Variants in UTP20 observed in about 807,000 individuals in gnomAD.
The protein encoded by UTP20 is UTP20 small subunit processome component, also known as small subunit processome component 20 homolog.
UTP20 carries 164 observed loss-of-function variants against 329.5 expected under a neutral mutation model. The ratio of observed to expected loss-of-function variants is 0.50; its 90% confidence interval spans 0.44 to 0.57. The LOEUF (loss-of-function observed/expected upper bound fraction) is 0.57. UTP20 is among the 20% of genes least tolerant of loss of function. The pLI, the probability that UTP20 is intolerant of heterozygous loss-of-function variation, is 0.00. For synonymous variants in UTP20, 1,151 were observed against 1,159.3 expected (o/e 0.99, Z 0.14); for missense variants, 3,055 against 3,284.2 (o/e 0.93, Z 1.71).
Position 101,280,169 on chromosome 12 carries a change from C to T in UTP20, c.-114C>T. On this transcript the variant is annotated 5_prime_UTR_variant, in exon 1 of 62. Transcript: ENST00000261637. ...GGGCTCAAGCCGCACGTGAGAAAGT[C>T]TGGGCATCTGGGAATCGGAGAGTAT... The T allele has an allele frequency of 7.4e-7, 1 of 1,358,278 alleles. No individual in the cohort carries two copies. 84.1% of individuals were successfully genotyped at this position (1,358,278 alleles called of 1,614,324 possible).
chr12:101,383,554 CTT>C lies in UTP20; in HGVS notation c.7943_7944del (p.Phe2648Ter). The stretch of plus-strand genomic sequence containing the variant: ...ATCTGTACTTTCAGAGAACATGCAT[CTT>C]TAAGTTCCTCGGCGCCGTAGCAATG... ...PRNPLKRTCI[F>X]KFLGAVAMDL... On this transcript the variant is annotated frameshift_variant, in exon 60 of 62. Transcript: ENST00000261637. LOFTEE classifies it high-confidence loss of function. 6.2e-7 allele frequency: 1 copy of C among 1,612,900 alleles called. No individual in the cohort carries two copies. Among genetic ancestry groups the C allele is most frequent in the Non-Finnish European group, 8.5e-7 (1 of 1,179,674 alleles).
chr12:101,290,608 G>A, intron 7 of UTP20, 125 bp from the exon 8 acceptor site: 1 of 1,042,256 alleles, frequency 9.6e-7, no homozygotes, highest in Non-Finnish European at 1.3e-6. Context: ...CATCAAAGTT[G>A]CCATATCCTT....
Position 101,299,820 on chromosome 12 carries a change from G to T in UTP20, c.1569G>T (p.Val523=). The T allele has an allele frequency of 1.2e-6, 2 of 1,607,102 alleles. No individual in the cohort carries two copies. Among genetic ancestry groups the T allele is most frequent in the Non-Finnish European group, 1.7e-6 (2 of 1,178,114 alleles). Residue 523 remains valine, a synonymous_variant, in exon 13 of 62, where the codon GTG becomes GTT. Coordinates refer to ENST00000261637, the MANE Select transcript of UTP20 (RefSeq NM_014503.3). ...TTTCACAATCTTGGGCAGCCCTCGT[G>T]GTGTTACCTCATATTAGGTAAGAAA... The part of the protein sequence containing the change: ...TYLSQSWAAL[V]VLPHIRPLEK...
chr12:101,280,361 T>A (rs375166665), intron 1 of UTP20, 34 bp downstream of exon 1: 2 of 1,550,884 alleles, frequency 1.3e-6, no homozygotes, highest in African/African-American at 2.7e-5. Context: ...GAGCCGCGGG[T>A]CTCCGCTGCC....
chr12:101,339,208 G>C (rs766332022), intron 31 of UTP20, among the ~76,000 whole-genome samples: 2 of 152,158 alleles, frequency 1.3e-5, no homozygotes, highest in Non-Finnish European at 1.5e-5. Flanking sequence ...AGCTACTCAG[G>C]AGACTGAGGC....
chr12:101,376,413 A>C (rs1409817121), intron 56 of UTP20, among the ~76,000 whole-genome samples: 5 of 152,188 alleles, frequency 3.3e-5, no homozygotes, highest in Non-Finnish European at 7.3e-5. Flanking sequence ...TCATAACAGT[A>C]TACTTAGACA....
intron 5 of UTP20, among the ~76,000 whole-genome samples, chr12:101,287,843 A>T (rs564372086): frequency 6.6e-6 from 1 of 152,238 alleles, no homozygotes; most frequent in East Asian, 1.9e-4. Flanking sequence ...CTCTTCTCAC[A>T]AAGTTTACAT....
intron 40 of UTP20, among the ~76,000 whole-genome samples, chr12:101,353,710 T>G: frequency 6.6e-6 from 1 of 151,740 alleles, no homozygotes; most frequent in Non-Finnish European, 1.5e-5. Context: ...TGTCTAAAAA[T>G]AAAAAGAAAT....
At chr12:101,346,400 G>A (rs770770712) in intron 37 of UTP20, 51 bp from the exon 38 acceptor site, 1 of 1,535,608 alleles carries the variant, frequency 6.5e-7, no homozygotes, top group South Asian at 1.3e-5. Context: ...AATGGAGCTG[G>A]TTGTAGGTGA....
intron 55 of UTP20, 52 bp from the exon 56 acceptor site, chr12:101,375,572 C>T: frequency 1.3e-6 from 2 of 1,591,220 alleles, no homozygotes; most frequent in South Asian, 1.1e-5. Flanking sequence ...AATTGTCCAT[C>T]AGATACTTTC....
chr12:101,346,381 C>T (rs373339632), intron 37 of UTP20, 70 bp from the exon 38 acceptor site: 49 of 1,486,202 alleles, frequency 3.3e-5, no homozygotes, highest in Middle Eastern at 1.8e-4. Context: ...AAAGAGAATA[C>T]GATACTAAAA....
At chr12:101,311,634 CCTTTCACT>C in intron 19 of UTP20, 77 bp from the exon 20 acceptor site, 1 of 1,199,074 alleles carries the variant, frequency 8.3e-7, no homozygotes, top group Non-Finnish European at 1.2e-6. Flanking sequence ...TTAGTTATAT[CCTTTCACT>C]CTTTTTTTTT....
At chr12:101,316,912 T>G (rs567717902) in intron 21 of UTP20, among the ~76,000 whole-genome samples, 3 of 152,340 alleles carry the variant, frequency 2.0e-5, no homozygotes, top group African/African-American at 7.2e-5. Flanking sequence ...TTTAGAGAGA[T>G]AAAACATAAA....
chr12:101,334,627 A>G (rs2137271616), intron 29 of UTP20, 123 bp downstream of exon 29: 1 of 746,572 alleles, frequency 1.3e-6, no homozygotes, highest in South Asian at 1.9e-5. Flanking sequence ...CTTTTGGTAC[A>G]GTTAGAGAAT....
At chr12:101,305,130 TGGTTTTCTGGAGAAAACCAG>T (rs927390622) in intron 15 of UTP20, among the ~76,000 whole-genome samples, 9 of 152,016 alleles carry the variant, frequency 5.9e-5, no homozygotes, top group East Asian at 5.8e-4. Context: ...CTTTTTCCCC[TGGTTTTCTGGAGAAAACCAG>T]GGTTTTCTCC....
Position 101,285,732 on chromosome 12 carries a change from T to C in UTP20, c.194-17T>C, listed in dbSNP as rs1445264419. The C allele has an allele frequency of 3.1e-6, 5 of 1,613,182 alleles. No homozygotes were observed. The African/African-American group carries it at 4.0e-5, about 13-fold the overall frequency. On this transcript the variant is annotated splice_polypyrimidine_tract_variant and intron_variant, in intron 3 of 61. Coordinates refer to ENST00000261637, the MANE Select transcript of UTP20 (RefSeq NM_014503.3). ...TGGTGTGATAGAAAAGAACATATTT[T>C]TTTTTCCCCCACTCAGGAAAATTTT... is the stretch of plus-strand genomic sequence containing the variant.
At position 101,286,384 on chromosome 12, in the gene UTP20, T is replaced by G; in HGVS notation, c.390T>G (p.Phe130Leu). ...TCTACCCACACTTTCCAGAGTTTTT[T>G]TTGACTATCACCTCGATCCTGGAGA... The part of the protein sequence containing the change: ...MDFYPHFPEF[F>L]LTITSILETQ... The change falls in exon 5 of 62, where the codon TTT (phenylalanine) becomes TTG (leucine). Residue 130 changes from phenylalanine to leucine, a missense_variant. Physicochemically the swap from Phe to Leu is conservative, Grantham distance 22 (BLOSUM62 0). This residue lies in a region of UTP20 where 2,445 missense variants were observed against 2,575.5 expected (regional missense o/e 0.95). Transcript: ENST00000261637. 1 of 1,613,926 alleles carries G rather than the reference T, an allele frequency of 6.2e-7. No individual in the cohort carries two copies. Among genetic ancestry groups the G allele is most frequent in the African/African-American group, 1.3e-5 (1 of 74,996 alleles).
chr12:101,321,044 T>C, intron 24 of UTP20, 107 bp downstream of exon 24: 2 of 1,010,906 alleles, frequency 2.0e-6, no homozygotes, highest in Non-Finnish European at 1.4e-6. Flanking sequence ...AAAGTTTCCC[T>C]TTTTTCTGAG....
At chr12:101,365,703 G>T in intron 46 of UTP20, 78 bp downstream of exon 46, 1 of 1,260,028 alleles carries the variant, frequency 7.9e-7, no homozygotes, top group Non-Finnish European at 1.0e-6. Context: ...TTAATAATTT[G>T]CTTTAGTAAA....
Sources: gnomAD v4.1 joint callset for allele counts (sites outside exome capture counted in the v4.1 genomes callset) on GRCh38, gnomAD v4.1.1 for gene constraint, gnomAD v4.1.1 regional missense constraint, MANE v1.5 for transcripts, NCBI Gene and HGNC (gene_info 2026-07-23, HGNC 2026-07-21) for gene names.